The following HPS3 variants were observed in gnomAD, a reference collection of about 807,000 sequenced individuals.
HPS3 encodes HPS3 biogenesis of lysosomal organelles complex 2 subunit 1, also known as BLOC-2 complex member HPS3.
In HPS3, 79 loss-of-function variants were observed where a neutral mutation model predicts 110.9. That is an observed-to-expected ratio of 0.71 (90% CI 0.59 to 0.86). The LOEUF (loss-of-function observed/expected upper bound fraction) is 0.86. Ranked by LOEUF, HPS3 falls within the 40% of genes least tolerant of loss-of-function variation. HPS3 has a pLI of 0.00. For missense variants in HPS3, 1,197 were observed against 1,206.2 expected, an observed-to-expected ratio of 0.99 and a Z score of 0.11; for synonymous variants, 428 against 451.0, an observed-to-expected ratio of 0.95 and a Z score of 0.65.
Position 149,157,508 on chromosome 3 carries a change from G to A in HPS3, c.1668G>A (p.Gly556=). The change falls in exon 9 of 17, where the codon GGG becomes GGA. Residue 556 remains glycine (G), a synonymous_variant. Coordinates refer to ENST00000296051, the MANE Select transcript of HPS3 (RefSeq NM_032383.5). ...ELLEAFKESC[G]HLGDCYSRLD... is the part of the protein sequence containing the mutation. ...TGGAAGCATTTAAGGAAAGCTGTGG[G>A]CACCTTGGGGACTGTTACAGCAGGT... 1 of 1,613,768 alleles carries A rather than the reference G, an allele frequency of 6.2e-7. No homozygotes were observed. The highest frequency in any genetic ancestry group is 8.5e-7 in the Non-Finnish European group (1 of 1,179,770).
At position 149,172,400 on chromosome 3, in the gene HPS3, T is replaced by G. The variant is rs1725095593; in HGVS notation, c.*178T>G. ...TCAGGCTGCTTACCTTACCGTGTAGTGGTAACTATTCACTTCTTAATTTAT... is the reference window on the plus strand; with the variant it reads ...TCAGGCTGCTTACCTTACCGTGTAGGGGTAACTATTCACTTCTTAATTTAT... On this transcript the variant is annotated 3_prime_UTR_variant, in exon 17 of 17. Transcript: ENST00000296051. 1 of 555,052 alleles carries G rather than the reference T, an allele frequency of 1.8e-6. No homozygotes were observed. Among genetic ancestry groups the G allele is most frequent in the Non-Finnish European group, 3.2e-6 (1 of 309,436 alleles). The allele number at this position is 555,052 out of a possible 1,614,324, so 34.4% of individuals were successfully genotyped here. A position where few individuals can be genotyped will look rare whatever the true frequency, so the allele number is the denominator to read the frequency against.
At chr3:149,138,036 G>A (rs1415729931) in intron 1 of HPS3, among the ~76,000 whole-genome samples, 1 of 152,084 alleles carries the variant, frequency 6.6e-6, no homozygotes, top group African/African-American at 2.4e-5. Flanking sequence ...GGAAGATGGA[G>A]GCCTCAACTT....
chr3:149,133,199 A>G (rs1052034082), intron 1 of HPS3, among the ~76,000 whole-genome samples: 2 of 152,258 alleles, frequency 1.3e-5, no homozygotes, highest in Non-Finnish European at 2.9e-5. Context: ...TGTGGGTAAA[A>G]TGCTATCAAA....
At chr3:149,153,752 A>T (rs1044740915) in intron 7 of HPS3, 104 bp downstream of exon 7, 6 of 1,207,430 alleles carry the variant, frequency 5.0e-6, no homozygotes, top group African/African-American at 4.5e-5. Context: ...GGAATGATCA[A>T]ATGGCTTTTT....
intron 6 of HPS3, among the ~76,000 whole-genome samples, chr3:149,151,587 TAAAAAAA>T (rs1167453087): frequency 1.7e-4 from 7 of 40,300 alleles, no homozygotes; most frequent in Admixed American, 1.0e-3. Context: ...GCTTGGTTTC[TAAAAAAA>T]AAAAAAAAAA....
At chr3:149,150,897 G>A (rs547543945) in intron 6 of HPS3, among the ~76,000 whole-genome samples, 74 of 152,236 alleles carry the variant, frequency 4.9e-4, no homozygotes, top group Non-Finnish European at 9.3e-4. Flanking sequence ...ATTTCACTCC[G>A]AATTGATTTA....
rs760647222 is a variant in HPS3, at chr3:149,167,210, T to C, written c.2766T>C (p.Tyr922=). ...LERCPEAVIP[Y]ANHELKEENR... is the part of the protein sequence containing the mutation. Reference sequence around the variant, plus strand: ...GATGCCCGGAGGCAGTCATTCCATATGCTAATCATGAACTGAAAGAAGAGA... The same window carrying C: ...GATGCCCGGAGGCAGTCATTCCATACGCTAATCATGAACTGAAAGAAGAGA... Residue 922 remains tyrosine (Y), a synonymous_variant, in exon 15 of 17, where the codon TAT becomes TAC. Coordinates refer to ENST00000296051, the MANE Select transcript of HPS3 (RefSeq NM_032383.5). 2.5e-6 allele frequency: 4 copies of C among 1,613,678 alleles called. No individual in the cohort carries two copies. Among genetic ancestry groups the C allele is most frequent in the Admixed American group, 3.3e-5 (2 of 59,944 alleles).
chr3:149,142,007 C>A lies in HPS3; in HGVS notation c.970+627C>A, dbSNP rs547392136. Among the ~76,000 whole-genome samples, 8 of 152,070 alleles carry A rather than the reference C, an allele frequency of 5.3e-5. No individual in the cohort carries two copies. In the East Asian group the frequency reaches 1.5e-3, roughly 29 times the overall value. ...CTGGGATTACAGGAATGCCCCACCA[C>A]GCCCAGCTAATTTTGTATTTTTAGT... On this transcript the variant is annotated intron_variant, in intron 4 of 16. Transcript: ENST00000296051.
intron 5 of HPS3, among the ~76,000 whole-genome samples, chr3:149,145,755 T>G (rs1012307331): frequency 1.3e-5 from 2 of 152,208 alleles, no homozygotes; most frequent in South Asian, 4.1e-4. Context: ...TTTGTTTCCC[T>G]AGACTGGATA....
At chr3:149,171,055 G>A (rs532947224) in intron 16 of HPS3, among the ~76,000 whole-genome samples, 10 of 152,130 alleles carry the variant, frequency 6.6e-5, no homozygotes, top group Non-Finnish European at 1.2e-4. Flanking sequence ...CAAGGCAGGC[G>A]GATCATGAGG....
Position 149,173,620 on chromosome 3 carries a change from C to T in HPS3, c.*1398C>T. ...CCAGTCTTCTTTTAATGTTTATAGT[C>T]ATTCCAAAGTAACATTCTATTTTAC... On this transcript the variant is annotated 3_prime_UTR_variant, in exon 17 of 17. Coordinates refer to ENST00000296051, the MANE Select transcript of HPS3 (RefSeq NM_032383.5). 1.2e-6 allele frequency: 1 copy of T among 829,362 alleles called. No homozygotes were observed. Among genetic ancestry groups the T allele is most frequent in the Non-Finnish European group, 2.0e-6 (1 of 512,746 alleles). 51.4% of individuals were successfully genotyped at this position (829,362 alleles called of 1,614,324 possible).
At chr3:149,142,411 C>G (rs908286859) in intron 4 of HPS3, among the ~76,000 whole-genome samples, 3 of 152,092 alleles carry the variant, frequency 2.0e-5, no homozygotes, top group Non-Finnish European at 2.9e-5. Flanking sequence ...TGTTTTCAAC[C>G]CTGCCACACA....
Position 149,158,901 on chromosome 3 carries a change from T to C in HPS3, c.1872+55T>C. The C allele has an allele frequency of 3.9e-6, 5 of 1,276,952 alleles. No homozygotes were observed. The South Asian group carries it at 4.9e-5, about 13-fold the overall frequency. 79.1% of individuals were successfully genotyped at this position (1,276,952 alleles called of 1,614,324 possible). A position where few individuals can be genotyped will look rare whatever the true frequency, so the allele number is the denominator to read the frequency against. ...TATTTTTAACATTTCATTTTAATGG[T>C]TTATTTTATGTAGTACTGTTTAGAA... On this transcript the variant is annotated intron_variant, in intron 10 of 16. Transcript: ENST00000296051.
Position 149,155,165 on chromosome 3 carries a change from A to C in HPS3, c.1459A>C (p.Asn487His). The C allele has an allele frequency of 6.2e-7, 1 of 1,610,000 alleles. No homozygotes were observed. The highest frequency in any genetic ancestry group is 8.5e-7 in the Non-Finnish European group (1 of 1,176,296). ...ACCTCCTGTAGCTGAGGCTGGGTGGAATTTGTATATTGTGAATACGATCTC... is the reference window on the plus strand; with the variant it reads ...ACCTCCTGTAGCTGAGGCTGGGTGGCATTTGTATATTGTGAATACGATCTC... Reference protein sequence around the residue: ...KIPPVAEAGWNLYIVNTISPV... With the variant: ...KIPPVAEAGWHLYIVNTISPV... Residue 487 changes from asparagine to histidine, a missense_variant, in exon 8 of 17, where the codon AAT becomes CAT. By Grantham distance (68) the Asn-to-His change is moderately conservative. Transcript: ENST00000296051.
chr3:149,168,091 T>G, intron 16 of HPS3, 108 bp downstream of exon 16: 1 of 722,910 alleles, frequency 1.4e-6, no homozygotes, highest in Non-Finnish European at 2.5e-6. Context: ...CCGAGGGCCT[T>G]TCAGAACCAT....
intron 16 of HPS3, among the ~76,000 whole-genome samples, chr3:149,169,786 G>A (rs540526121): frequency 2.0e-5 from 3 of 152,192 alleles, no homozygotes; most frequent in South Asian, 4.1e-4. Context: ...AATGAACCAG[G>A]CTTATTTTTT....
chr3:149,150,753 C>A, intron 6 of HPS3, 73 bp downstream of exon 6: 1 of 1,193,524 alleles, frequency 8.4e-7, no homozygotes, highest in South Asian at 1.2e-5. Flanking sequence ...TAGATTTGCT[C>A]TCAGACCTAA....
In HPS3 at chr3:149,141,362, C is replaced by G. The variant is rs762077425; in HGVS notation, c.952C>G (p.Leu318Val). The change falls in exon 4 of 17, where the codon CTA becomes GTA. Residue 318 changes from leucine (L) to valine (V), a missense_variant. By Grantham distance (32) the Leu-to-Val change is conservative. Transcript: ENST00000296051. ...CATCAAGCTACATTCCCTCCAGCTG[C>G]TACCCATTTACCAGACCGGTAAGCA... ...DDIKLHSLQL[L>V]PIYQTGSLTS... The G allele has an allele frequency of 1.2e-6, 2 of 1,613,452 alleles. No individual in the cohort carries two copies. The highest frequency in any genetic ancestry group is 2.7e-5 in the African/African-American group (2 of 74,886).
At chr3:149,151,431 A>G (rs552433322) in intron 6 of HPS3, among the ~76,000 whole-genome samples, 1 of 151,906 alleles carries the variant, frequency 6.6e-6, no homozygotes, top group Non-Finnish European at 1.5e-5. Flanking sequence ...AAAATTGAAT[A>G]CGATGCATTA....
Sources: allele counts gnomAD v4.1 joint callset (sites outside exome capture counted in the v4.1 genomes callset), GRCh38; gene constraint gnomAD v4.1.1; transcripts MANE v1.5; gene names NCBI Gene and HGNC (gene_info 2026-07-23, HGNC 2026-07-21).